Variants in OSBP2 observed in about 807,000 individuals in gnomAD.
OSBP2 encodes the protein oxysterol binding protein 2.
Under a neutral mutation model 96.0 loss-of-function variants are expected in OSBP2, and 66 were observed. The ratio of observed to expected loss-of-function variants is 0.69; its 90% CI spans 0.56 to 0.84. OSBP2 has a LOEUF of 0.84. Ranked by LOEUF, OSBP2 falls within the 40% of genes least tolerant of loss-of-function variation. The probability of loss-of-function intolerance (pLI) is 0.00; values close to 1 mark genes in which losing one functional copy is unlikely to be tolerated. For missense variants in OSBP2, 1,038 were observed against 1,222.7 expected (o/e 0.85, Z 2.25); for synonymous variants, 525 against 520.9 (o/e 1.01, Z -0.11).
intron 1 of OSBP2, among the ~76,000 whole-genome samples, chr22:30,724,476 C>T (rs564929232): frequency 3.2e-4 from 48 of 152,316 alleles, no homozygotes; most frequent in African/African-American, 1.1e-3. Flanking sequence ...CCACCTTGGC[C>T]TCCCAAAGTG....
At chr22:30,857,760 T>A (rs1253004767) in intron 2 of OSBP2, among the ~76,000 whole-genome samples, 1 of 152,162 alleles carries the variant, frequency 6.6e-6, no homozygotes, top group Non-Finnish European at 1.5e-5. Context: ...CAGGTCTGCT[T>A]GAGTCATGAA....
chr22:30,802,857 T>A (rs1212237156), intron 2 of OSBP2, among the ~76,000 whole-genome samples: 1 of 152,120 alleles, frequency 6.6e-6, no homozygotes, highest in Non-Finnish European at 1.5e-5. Flanking sequence ...GCGCTCAGGC[T>A]GACGGGCGGG....
intron 2 of OSBP2, among the ~76,000 whole-genome samples, chr22:30,782,964 T>G (rs147146326): frequency 4.6e-5 from 7 of 152,152 alleles, no homozygotes; most frequent in Non-Finnish European, 8.8e-5. Flanking sequence ...GTTCTCCTGA[T>G]GAGCAATACT....
At position 30,735,130 on chromosome 22, in the gene OSBP2, T is replaced by G. The variant is rs1427532763; in HGVS notation, c.645-6031T>G. Among the ~76,000 whole-genome samples, 8 of 152,328 alleles carry G rather than the reference T, an allele frequency of 5.3e-5. No individual in the cohort carries two copies. In the East Asian group the frequency reaches 1.5e-3, roughly 29 times the overall value. ...TTGTTTGAGCGCAGGAGTTCAAGGC[T>G]GCAGTGAGCTATGATTGCACCATTG... On this transcript the variant is annotated intron_variant, in intron 1 of 13. Coordinates refer to ENST00000332585, the MANE Select transcript of OSBP2 (RefSeq NM_030758.4).
chr22:30,743,717 T>G (rs1186079366), intron 2 of OSBP2, among the ~76,000 whole-genome samples: 1 of 152,184 alleles, frequency 6.6e-6, no homozygotes, highest in Non-Finnish European at 1.5e-5. Flanking sequence ...TTGCCTTATT[T>G]TTTAGGAACT....
chr22:30,863,230 T>C (rs1052774259), intron 2 of OSBP2, among the ~76,000 whole-genome samples: 1 of 152,118 alleles, frequency 6.6e-6, no homozygotes, highest in Admixed American at 6.5e-5. Flanking sequence ...ATCTGGCCGA[T>C]TGGATTTTGT....
intron 2 of OSBP2, among the ~76,000 whole-genome samples, chr22:30,842,190 C>T (rs2038766465): frequency 6.6e-6 from 1 of 152,132 alleles, no homozygotes. Flanking sequence ...GGGAGTATCC[C>T]TTGAGCTCAG....
intron 2 of OSBP2, among the ~76,000 whole-genome samples, chr22:30,795,127 T>C (rs1327794946): frequency 2.0e-5 from 3 of 151,856 alleles, no homozygotes; most frequent in African/African-American, 7.3e-5. Context: ...CCCAGGCTGG[T>C]CTTGAGCACC....
At chr22:30,807,210 C>A (rs1356599951) in intron 2 of OSBP2, among the ~76,000 whole-genome samples, 1 of 152,168 alleles carries the variant, frequency 6.6e-6, no homozygotes, top group Non-Finnish European at 1.5e-5. Flanking sequence ...ATCTCTCCTA[C>A]CTTGAACTCC....
At chr22:30,877,623 G>A (rs1010842631) in intron 3 of OSBP2, among the ~76,000 whole-genome samples, 1 of 152,226 alleles carries the variant, frequency 6.6e-6, no homozygotes, top group Admixed American at 6.5e-5. Context: ...GGGCAGCAGA[G>A]CAAGGCTGGG....
intron 5 of OSBP2, 118 bp downstream of exon 5, chr22:30,888,458 G>T (rs1339696194): frequency 2.8e-6 from 2 of 723,576 alleles, no homozygotes; most frequent in Non-Finnish European, 4.9e-6. Context: ...TCTTGCTTTG[G>T]CCAGGCCCAG....
At chr22:30,835,286 C>A (rs1240506763) in intron 2 of OSBP2, among the ~76,000 whole-genome samples, 1 of 152,082 alleles carries the variant, frequency 6.6e-6, no homozygotes, top group African/African-American at 2.4e-5. Context: ...TTAGTTCTTG[C>A]ATTTAGATCT....
chr22:30,895,607 G>A (rs563048568), intron 12 of OSBP2, among the ~76,000 whole-genome samples: 25 of 151,674 alleles, frequency 1.6e-4, no homozygotes, highest in Non-Finnish European at 3.2e-4. Context: ...CCTTAGGCAC[G>A]CAGCCTCGGA....
At chr22:30,805,379 G>A (rs2090915052) in intron 2 of OSBP2, among the ~76,000 whole-genome samples, 1 of 152,214 alleles carries the variant, frequency 6.6e-6, no homozygotes, top group African/African-American at 2.4e-5. Context: ...TGTGAGGGAT[G>A]GTAGCAATAG....
intron 3 of OSBP2, among the ~76,000 whole-genome samples, chr22:30,877,519 A>G (rs537799324): frequency 6.6e-6 from 1 of 152,184 alleles, no homozygotes; most frequent in East Asian, 1.9e-4. Flanking sequence ...TAAGGTGGAG[A>G]ATGATTGAGT....
chr22:30,775,271 G>A (rs1569118196), intron 2 of OSBP2, among the ~76,000 whole-genome samples: 1 of 151,970 alleles, frequency 6.6e-6, no homozygotes, highest in Non-Finnish European at 1.5e-5. Flanking sequence ...CCCCATCTGT[G>A]CACATTTCAC....
At chr22:30,744,354 G>T (rs980381468) in intron 2 of OSBP2, among the ~76,000 whole-genome samples, 1 of 152,146 alleles carries the variant, frequency 6.6e-6, no homozygotes, top group Non-Finnish European at 1.5e-5. Context: ...GCTGGGTCAA[G>T]GACATAGATA....
chr22:30,897,375 GACT>G (rs2040088732), intron 12 of OSBP2, among the ~76,000 whole-genome samples: 1 of 152,082 alleles, frequency 6.6e-6, no homozygotes, highest in Admixed American at 6.5e-5. Context: ...TGCTATTACC[GACT>G]CATGGATGCA....
At chr22:30,828,644 CTGTA>C (rs147708142) in intron 2 of OSBP2, among the ~76,000 whole-genome samples, 2 of 152,266 alleles carry the variant, frequency 1.3e-5, no homozygotes, top group East Asian at 3.9e-4. Context: ...ATTGGGGGCA[CTGTA>C]TGTAAGAGTG....
Sources: allele counts gnomAD v4.1 joint callset (sites outside exome capture counted in the v4.1 genomes callset), GRCh38; gene constraint gnomAD v4.1.1; transcripts MANE v1.5; gene names NCBI Gene and HGNC (gene_info 2026-07-23, HGNC 2026-07-21).